The following CBX3 variants were observed in gnomAD, a reference collection of about 807,000 sequenced individuals.
CBX3 encodes the protein chromobox 3, also known as chromobox protein homolog 3.
Under a neutral mutation model 22.6 loss-of-function variants are expected in CBX3, and 5 were observed. The observed-to-expected ratio is 0.22, with a 90% confidence interval of 0.12 to 0.47. The LOEUF is 0.47. Ranked by LOEUF, CBX3 falls within the 20% of genes least tolerant of loss-of-function variation. The pLI is 0.99. For missense variants in CBX3, 83 were observed against 208.1 expected, an observed-to-expected ratio of 0.40 and a Z score of 3.70; for synonymous variants, 50 against 66.6, an observed-to-expected ratio of 0.75 and a Z score of 1.21.
chr7:26,207,241 A>C (rs116947159), intron 3 of CBX3, among the ~76,000 whole-genome samples: 1 of 152,120 alleles, frequency 6.6e-6, no homozygotes, highest in African/African-American at 2.4e-5. Context: ...GTTATCTCCT[A>C]CTTCCCCTGC....
intron 1 of CBX3, 152 bp from the exon 2 acceptor site, chr7:26,202,819 C>T: frequency 1.5e-6 from 1 of 655,992 alleles, no homozygotes; most frequent in Non-Finnish European, 2.7e-6. Flanking sequence ...ACATCATAAG[C>T]AATGTAGGTA....
At chr7:26,202,557 C>T in intron 1 of CBX3, 1 of 159,158 alleles carries the variant, frequency 6.3e-6, no homozygotes, top group Non-Finnish European at 1.4e-5. Flanking sequence ...GGTTTCTGAG[C>T]AGAAACCAAG....
At chr7:26,207,919 A>G (rs1784716562) in intron 3 of CBX3, among the ~76,000 whole-genome samples, 1 of 151,770 alleles carries the variant, frequency 6.6e-6, no homozygotes, top group South Asian at 2.1e-4. Flanking sequence ...GTAGCAAATT[A>G]GAATATAGGG....
chr7:26,207,354 G>T (rs953928388), intron 3 of CBX3, among the ~76,000 whole-genome samples: 5 of 152,122 alleles, frequency 3.3e-5, no homozygotes, highest in African/African-American at 1.2e-4. Context: ...TTAAGTATGT[G>T]TCGTAAGTCC....
chr7:26,210,324 T>C (rs1784774832), intron 4 of CBX3: 2 of 152,216 alleles, frequency 1.3e-5, no homozygotes, highest in Non-Finnish European at 2.9e-5. Context: ...CAGGCACAAC[T>C]TTAACAACAC....
intron 1 of CBX3, chr7:26,202,620 TG>T: frequency 4.1e-6 from 1 of 244,132 alleles, no homozygotes; most frequent in Non-Finnish European, 7.9e-6. Flanking sequence ...GTGAGTTGTT[TG>T]GGTAATCGTG....
At chr7:26,208,705 C>T (rs1173525543) in intron 4 of CBX3, 150 bp downstream of exon 4, 16 of 624,130 alleles carry the variant, frequency 2.6e-5, no homozygotes, top group African/African-American at 3.7e-5. Context: ...CTGCAACTGC[C>T]GCCTCCTGGG....
intron 2 of CBX3, among the ~76,000 whole-genome samples, chr7:26,204,877 C>A (rs943280449): frequency 2.0e-5 from 3 of 152,116 alleles, no homozygotes; most frequent in African/African-American, 7.2e-5. Context: ...GCAACTTAAG[C>A]CTCCTGGGTT....
intron 2 of CBX3, among the ~76,000 whole-genome samples, chr7:26,203,653 A>G (rs10247665): frequency 0.11 from 16,511 of 152,058 alleles, 1,462 homozygotes; most frequent in African/African-American, 0.24. Flanking sequence ...AAGTTTTTTT[A>G]AACCCTGGAA....
chr7:26,202,857 T>G, intron 1 of CBX3, 114 bp from the exon 2 acceptor site: 1 of 702,412 alleles, frequency 1.4e-6, no homozygotes, highest in Non-Finnish European at 2.6e-6. Flanking sequence ...TGGATTTGTA[T>G]TCACGTTTGA....
intron 2 of CBX3, among the ~76,000 whole-genome samples, chr7:26,204,600 A>G (rs1316553749): frequency 6.6e-6 from 1 of 152,174 alleles, no homozygotes; most frequent in Non-Finnish European, 1.5e-5. Context: ...ATAGCTTGAA[A>G]TGCCCTTTTG....
In CBX3 at chr7:26,206,522, T is replaced by C. The variant is rs201557283; in HGVS notation, c.167+12T>C. On this transcript the variant is annotated intron_variant, in intron 3 of 5. Coordinates refer to ENST00000396386, the MANE Select transcript of CBX3 (RefSeq NM_016587.4). ...AAGGGATTTACAGAGTAAGAAACTT[T>C]AGTGCATCTTTACTATATGTTTAAC... The C allele has an allele frequency of 1.0e-4, 159 of 1,571,550 alleles. No individual in the cohort carries two copies. The East Asian group carries it at 1.7e-3, about 17-fold the overall frequency.
At chr7:26,202,802 C>G in intron 1 of CBX3, 169 bp from the exon 2 acceptor site, 2 of 622,000 alleles carry the variant, frequency 3.2e-6, no homozygotes, top group East Asian at 5.6e-5. Context: ...AGGACACGTA[C>G]TTAAGTACAT....
Position 26,213,001 on chromosome 7 carries a change from C to T in CBX3, c.*793C>T, listed in dbSNP as rs1456816051. The T allele has an allele frequency of 1.3e-5, 2 of 152,306 alleles. No homozygotes were observed. Among genetic ancestry groups the T allele is most frequent in the African/African-American group, 2.4e-5 (1 of 41,478 alleles). 9.4% of individuals were successfully genotyped at this position (152,306 alleles called of 1,614,324 possible). A position where few individuals can be genotyped will look rare whatever the true frequency, so the allele number is the denominator to read the frequency against. ...TAAAAGTTTCCCTAGCGGGCCATTC[C>T]TTAGCAAAATGTTGGAATCCCTGTT... On this transcript the variant is annotated 3_prime_UTR_variant, in exon 6 of 6. Coordinates refer to ENST00000396386, the MANE Select transcript of CBX3 (RefSeq NM_016587.4).
intron 2 of CBX3, chr7:26,205,988 C>T (rs1251981240): frequency 6.1e-6 from 1 of 163,154 alleles, no homozygotes; most frequent in Non-Finnish European, 1.3e-5. Context: ...ACTCTGGAGG[C>T]TGAGGCATGA....
rs1434432440 is a variant in CBX3, at chr7:26,212,313, A to G, written c.*105A>G. The G allele has an allele frequency of 4.0e-5, 29 of 728,854 alleles. No individual in the cohort carries two copies. The African/African-American group carries it at 5.5e-4, about 14-fold the overall frequency. 45.1% of individuals were successfully genotyped at this position (728,854 alleles called of 1,614,324 possible). A position where few individuals can be genotyped will look rare whatever the true frequency, so the allele number is the denominator to read the frequency against. On this transcript the variant is annotated 3_prime_UTR_variant, in exon 6 of 6. Transcript: ENST00000396386. Reference sequence around the variant, plus strand: ...AAATAACTACATCCTAATGAAAATCAAGTTTGATATGTTTGTTTTGAAAGT... The same window carrying G: ...AAATAACTACATCCTAATGAAAATCGAGTTTGATATGTTTGTTTTGAAAGT...
At chr7:26,204,293 ATTTTG>A (rs1258266629) in intron 2 of CBX3, among the ~76,000 whole-genome samples, 1 of 148,262 alleles carries the variant, frequency 6.7e-6, no homozygotes, top group Non-Finnish European at 1.5e-5. Context: ...TGTTGACTTT[ATTTTG>A]TTAGCCTTCT....
Position 26,212,896 on chromosome 7 carries a change from G to A in CBX3, c.*688G>A, listed in dbSNP as rs189258793. The A allele has an allele frequency of 6.6e-6, 1 of 152,284 alleles. No individual in the cohort carries two copies. Among genetic ancestry groups the A allele is most frequent in the Non-Finnish European group, 1.5e-5 (1 of 68,050 alleles). 9.4% of individuals were successfully genotyped at this position (152,284 alleles called of 1,614,324 possible). On this transcript the variant is annotated 3_prime_UTR_variant, in exon 6 of 6. Transcript: ENST00000396386. ...AATTTTATCACTGCCATCACAGCAG[G>A]TTTCCTCATCCAGATGAGGAAACTA...
chr7:26,203,690 A>G (rs1784605474), intron 2 of CBX3, among the ~76,000 whole-genome samples: 1 of 152,208 alleles, frequency 6.6e-6, no homozygotes, highest in Non-Finnish European at 1.5e-5. Flanking sequence ...ATGAAATTCA[A>G]AGTTACAGTT....
Sources: allele counts gnomAD v4.1 joint callset (sites outside exome capture counted in the v4.1 genomes callset), GRCh38; gene constraint gnomAD v4.1.1; transcripts MANE v1.5; gene names NCBI Gene and HGNC (gene_info 2026-07-23, HGNC 2026-07-21).